MPP7: variants seen among roughly 807,000 people sequenced by gnomAD.
The protein encoded by MPP7 is MAGUK p55 scaffold protein 7, also known as MAGUK p55 subfamily member 7.
MPP7 carries 60 observed loss-of-function variants against 76.5 expected under a neutral mutation model. The observed-to-expected ratio is 0.78, with a 90% CI of 0.64 to 0.97. The LOEUF (loss-of-function observed/expected upper bound fraction) is 0.97. Among genes scored for constraint, MPP7 ranks in the 50% least tolerant of loss-of-function variants. The pLI, the probability that MPP7 is intolerant of heterozygous loss-of-function variation, is 0.00. For missense variants in MPP7, 641 were observed against 694.0 expected (o/e 0.92, Z 0.86); for synonymous variants, 237 against 244.5 (o/e 0.97, Z 0.29).
At chr10:28,111,469 T>C (rs995210497) in intron 11 of MPP7, among the ~76,000 whole-genome samples, 8 of 152,152 alleles carry the variant, frequency 5.3e-5, no homozygotes, top group Middle Eastern at 3.2e-3. Flanking sequence ...TTTTTCAAAA[T>C]AATGTCTTTA....
intron 1 of MPP7, among the ~76,000 whole-genome samples, chr10:28,302,024 C>G (rs59663023): frequency 0.025 from 3,804 of 152,274 alleles, 164 homozygotes; most frequent in African/African-American, 0.087. Flanking sequence ...TCCCCAAAGC[C>G]TCGAGTACAG....
In MPP7 at chr10:28,268,506, C is replaced by T. The variant is rs79270661; in HGVS notation, c.-131-29771G>A. Among the ~76,000 whole-genome samples, 1,166 of 152,124 alleles carry T rather than the reference C, an allele frequency of 7.7e-3. 12 individuals are homozygous for T. Among genetic ancestry groups the T allele is most frequent in the African/African-American group, 0.026 (1,096 of 41,498 alleles). Reference sequence around the variant, plus strand: ...CAGCACTTTGGGAGGCCAAGGCACACGGATGACTTGAGGTAAGGAGTTCGA... The same window carrying T: ...CAGCACTTTGGGAGGCCAAGGCACATGGATGACTTGAGGTAAGGAGTTCGA... On this transcript the variant is annotated intron_variant, in intron 1 of 16. Coordinates refer to ENST00000683449, the MANE Select transcript of MPP7 (RefSeq NM_001318170.2).
intron 5 of MPP7, among the ~76,000 whole-genome samples, chr10:28,143,678 C>T (rs1312623310): frequency 4.9e-4 from 70 of 144,116 alleles, no homozygotes; most frequent in Non-Finnish European, 4.8e-5. Context: ...TATGGTTCAA[C>T]TTTTTACACT....
chr10:28,053,996 A>T lies in MPP7; in HGVS notation c.*69T>A. On this transcript the variant is annotated 3_prime_UTR_variant, in exon 17 of 17. Transcript: ENST00000683449. Reference sequence around the variant, plus strand: ...ACAGTGATATAGATTTAAAAACCCTACTACCAAAACTGTAATTGATTTCAT... The same window carrying T: ...ACAGTGATATAGATTTAAAAACCCTTCTACCAAAACTGTAATTGATTTCAT... 1 of 1,187,926 alleles carries T rather than the reference A, an allele frequency of 8.4e-7. No individual in the cohort carries two copies. Among genetic ancestry groups the T allele is most frequent in the Non-Finnish European group, 1.2e-6 (1 of 812,460 alleles). 73.6% of individuals were successfully genotyped at this position (1,187,926 alleles called of 1,614,324 possible). A position where few individuals can be genotyped will look rare whatever the true frequency, so the allele number is the denominator to read the frequency against.
intron 1 of MPP7, 121 bp from the exon 2 acceptor site, chr10:28,238,856 T>A: frequency 2.1e-6 from 1 of 472,894 alleles, no homozygotes; most frequent in Non-Finnish European, 3.7e-6. Flanking sequence ...CTCTTCAGAA[T>A]TTTTTCTACA....
intron 3 of MPP7, among the ~76,000 whole-genome samples, chr10:28,168,830 T>C (rs75667007): frequency 0.13 from 20,245 of 152,204 alleles, 2,046 homozygotes; most frequent in African/African-American, 0.28. Context: ...TTTTATCTCA[T>C]CATCTAAGAG....
intron 1 of MPP7, among the ~76,000 whole-genome samples, chr10:28,294,497 A>G (rs1490990059): frequency 6.6e-6 from 1 of 152,180 alleles, no homozygotes; most frequent in Non-Finnish European, 1.5e-5. Context: ...AAGAATGCAA[A>G]CTTTTTGAAG....
At chr10:28,140,506 G>C (rs1835482252) in intron 5 of MPP7, among the ~76,000 whole-genome samples, 1 of 150,412 alleles carries the variant, frequency 6.6e-6, no homozygotes, top group Admixed American at 6.6e-5. Flanking sequence ...GTGAGACTTA[G>C]TTTCAAAAAA....
chr10:28,144,016 C>A (rs1835621145), intron 5 of MPP7, among the ~76,000 whole-genome samples: 1 of 152,106 alleles, frequency 6.6e-6, no homozygotes, highest in Non-Finnish European at 1.5e-5. Flanking sequence ...TCCCAGGTAG[C>A]TGGGATTACA....
intron 5 of MPP7, among the ~76,000 whole-genome samples, chr10:28,141,482 G>A (rs900628160): frequency 1.2e-4 from 18 of 152,004 alleles, no homozygotes; most frequent in African/African-American, 4.1e-4. Context: ...CTTCGGTAAG[G>A]TGGTATAAAA....
At chr10:28,213,395 G>A (rs113100556) in intron 2 of MPP7, among the ~76,000 whole-genome samples, 28 of 152,204 alleles carry the variant, frequency 1.8e-4, no homozygotes, top group Middle Eastern at 3.4e-3. Context: ...ATGTGGTTGA[G>A]GGAACATGTG....
intron 1 of MPP7, among the ~76,000 whole-genome samples, chr10:28,279,766 G>C (rs1208851246): frequency 1.3e-5 from 2 of 151,584 alleles, no homozygotes; most frequent in African/African-American, 4.9e-5. Flanking sequence ...ACAGGCATCA[G>C]GGATGTAAGT....
intron 1 of MPP7, among the ~76,000 whole-genome samples, chr10:28,294,251 G>C (rs1243925911): frequency 6.6e-6 from 1 of 152,182 alleles, no homozygotes; most frequent in East Asian, 1.9e-4. Flanking sequence ...AACCTGCAGT[G>C]AGCTGAGATC....
intron 6 of MPP7, among the ~76,000 whole-genome samples, chr10:28,126,113 T>C (rs1233192617): frequency 6.6e-6 from 1 of 152,108 alleles, no homozygotes; most frequent in Non-Finnish European, 1.5e-5. Flanking sequence ...GTATCCTTTA[T>C]CTATAACTAT....
chr10:28,332,220 T>C (rs1347357154), intron 1 of MPP7, among the ~76,000 whole-genome samples: 1 of 149,198 alleles, frequency 6.7e-6, no homozygotes, highest in Non-Finnish European at 1.5e-5. Context: ...TTGAGACACG[T>C]ACATTGCCAG....
intron 1 of MPP7, among the ~76,000 whole-genome samples, chr10:28,286,007 C>T (rs1490332517): frequency 6.6e-6 from 1 of 152,124 alleles, no homozygotes; most frequent in Admixed American, 6.5e-5. Context: ...TGTAAGACAA[C>T]AAAATGTACA....
intron 3 of MPP7, among the ~76,000 whole-genome samples, chr10:28,192,970 G>C (rs1837457997): frequency 6.6e-6 from 1 of 152,106 alleles, no homozygotes; most frequent in African/African-American, 2.4e-5. Flanking sequence ...AGATATAGAA[G>C]CTAATCTTTG....
At chr10:28,068,897 G>A (rs534929254) in intron 13 of MPP7, among the ~76,000 whole-genome samples, 1 of 152,286 alleles carries the variant, frequency 6.6e-6, no homozygotes, top group East Asian at 1.9e-4. Context: ...AAACCTAAGA[G>A]TAGGGAAGCT....
At position 28,159,229 on chromosome 10, in the gene MPP7, T is replaced by C. The variant is rs568309664; in HGVS notation, c.157-9170A>G. 2.0e-5 allele frequency among the ~76,000 whole-genome samples: 3 copies of C among 152,370 alleles called. No individual in the cohort carries two copies. The East Asian group carries it at 5.8e-4, about 29-fold the overall frequency. ...ACTCCCTCTTTGAGCACTGTTTGAT[T>C]TGTTGTCTAGAACAGTATAGCCCAA... On this transcript the variant is annotated intron_variant, in intron 3 of 16. Coordinates refer to ENST00000683449, the MANE Select transcript of MPP7 (RefSeq NM_001318170.2).
Sources: gnomAD v4.1 joint callset for allele counts (sites outside exome capture counted in the v4.1 genomes callset) on GRCh38, gnomAD v4.1.1 for gene constraint, MANE v1.5 for transcripts, NCBI Gene and HGNC (gene_info 2026-07-23, HGNC 2026-07-21) for gene names.